The following C8orf34 variants were observed in gnomAD, a reference collection of about 807,000 sequenced individuals.
C8orf34 encodes the protein chromosome 8 open reading frame 34.
C8orf34 carries 65 observed loss-of-function variants against 68.3 expected under a neutral mutation model. That is an observed-to-expected ratio of 0.95 (90% CI 0.78 to 1.17). The LOEUF is 1.17. Ranked by LOEUF, C8orf34 falls within the 50% of genes most tolerant of loss-of-function variation. The probability of loss-of-function intolerance (pLI) is 0.00; values close to 1 mark genes in which losing one functional copy is unlikely to be tolerated. For synonymous variants in C8orf34, 244 were observed against 241.2 expected (o/e 1.01, Z -0.11); for missense variants, 664 against 655.4 (o/e 1.01, Z -0.14).
At chr8:68,391,522 T>G (rs1808477790) in intron 1 of C8orf34, among the ~76,000 whole-genome samples, 1 of 152,154 alleles carries the variant, frequency 6.6e-6, no homozygotes, top group Non-Finnish European at 1.5e-5. Context: ...CAAGATATCT[T>G]TCCTCTTCTG....
intron 3 of C8orf34, among the ~76,000 whole-genome samples, chr8:68,459,497 T>G (rs1586180034): frequency 6.6e-6 from 1 of 152,078 alleles, no homozygotes; most frequent in Admixed American, 6.6e-5. Context: ...TCCCAAAGTG[T>G]TGGGATTACA....
intron 7 of C8orf34, among the ~76,000 whole-genome samples, chr8:68,607,445 G>C (rs1269743387): frequency 1.3e-5 from 2 of 152,090 alleles, no homozygotes; most frequent in Non-Finnish European, 2.9e-5. Context: ...TCTCTCTGCA[G>C]ATGTCTGTGT....
At chr8:68,393,495 G>C (rs1383248329) in intron 1 of C8orf34, among the ~76,000 whole-genome samples, 1 of 152,142 alleles carries the variant, frequency 6.6e-6, no homozygotes, top group Non-Finnish European at 1.5e-5. Flanking sequence ...TGCAGTGACA[G>C]ATGGGGAAAC....
chr8:68,651,720 G>A (rs1819363744), intron 8 of C8orf34, among the ~76,000 whole-genome samples: 1 of 152,130 alleles, frequency 6.6e-6, no homozygotes, highest in African/African-American at 2.4e-5. Context: ...TGGACATAAG[G>A]ATGGAAACAA....
intron 12 of C8orf34, among the ~76,000 whole-genome samples, chr8:68,808,822 G>A (rs1339752869): frequency 2.6e-5 from 4 of 151,932 alleles, no homozygotes; most frequent in African/African-American, 7.3e-5. Flanking sequence ...TCTCCTACAA[G>A]GACTTCAGTC....
At chr8:68,470,906 G>C (rs1586208091) in intron 4 of C8orf34, among the ~76,000 whole-genome samples, 1 of 152,140 alleles carries the variant, frequency 6.6e-6, no homozygotes, top group East Asian at 1.9e-4. Flanking sequence ...AGTTTTGGGA[G>C]GACACCAACA....
At chr8:68,443,110 C>T (rs1242392979) in intron 2 of C8orf34, among the ~76,000 whole-genome samples, 3 of 152,084 alleles carry the variant, frequency 2.0e-5, no homozygotes, top group Non-Finnish European at 4.4e-5. Context: ...GCAAGAGCAT[C>T]CACCATCCCA....
chr8:68,426,009 A>C (rs1810197327), intron 1 of C8orf34, among the ~76,000 whole-genome samples: 1 of 152,212 alleles, frequency 6.6e-6, no homozygotes, highest in South Asian at 2.1e-4. Flanking sequence ...CGTCTTATGC[A>C]AAAATTAACT....
chr8:68,543,674 T>C (rs1447291252), intron 7 of C8orf34, among the ~76,000 whole-genome samples: 1 of 152,208 alleles, frequency 6.6e-6, no homozygotes, highest in Admixed American at 6.5e-5. Flanking sequence ...ACACTAACTA[T>C]GCAACACGTA....
rs1267476469 is a variant in C8orf34, at chr8:68,525,637, A to G, written c.938+3666A>G. On this transcript the variant is annotated intron_variant, in intron 6 of 13. Transcript: ENST00000518698. Reference sequence around the variant, plus strand: ...CGAACTGGTCAGATGGGAGCAGATTATGCTGCCATTTTTCTAGATCTTTGA... The same window carrying G: ...CGAACTGGTCAGATGGGAGCAGATTGTGCTGCCATTTTTCTAGATCTTTGA... 11 of 731,048 alleles carry G rather than the reference A, an allele frequency of 1.5e-5. No homozygotes were observed. In the African/African-American group the frequency reaches 1.7e-4, roughly 11 times the overall value. The allele number at this position is 731,048 out of a possible 1,614,324, so 45.3% of individuals were successfully genotyped here. A position where few individuals can be genotyped will look rare whatever the true frequency, so the allele number is the denominator to read the frequency against.
chr8:68,512,327 T>C lies in C8orf34; in HGVS notation c.766-9472T>C, dbSNP rs77622861. On this transcript the variant is annotated intron_variant, in intron 5 of 13. Coordinates refer to ENST00000518698, the MANE Select transcript of C8orf34 (RefSeq NM_052958.4). ...CACAAAAATATAACCTAAAGAAGAA[T>C]TGAACATCATTTTGGCAATCCCGTG... 1.3e-3 allele frequency among the ~76,000 whole-genome samples: 194 copies of C among 152,308 alleles called. 9 individuals carry two copies. In the East Asian group the frequency reaches 0.034, roughly 27 times the overall value.
intron 10 of C8orf34, among the ~76,000 whole-genome samples, chr8:68,750,254 G>A (rs962999822): frequency 1.3e-5 from 2 of 152,084 alleles, no homozygotes; most frequent in African/African-American, 4.8e-5. Flanking sequence ...TAAACTATAT[G>A]AGAGAACGTT....
At chr8:68,355,501 A>G (rs770941444) in intron 1 of C8orf34, among the ~76,000 whole-genome samples, 9 of 152,162 alleles carry the variant, frequency 5.9e-5, no homozygotes, top group African/African-American at 2.2e-4. Context: ...TGGACACCCA[A>G]TACATTTTGG....
chr8:68,517,214 C>G (rs1814557245), intron 5 of C8orf34, among the ~76,000 whole-genome samples: 1 of 151,890 alleles, frequency 6.6e-6, no homozygotes, highest in Non-Finnish European at 1.5e-5. Context: ...TCACTAAAAC[C>G]CTTTCATAAA....
intron 4 of C8orf34, among the ~76,000 whole-genome samples, chr8:68,472,650 T>C (rs1812431415): frequency 6.6e-6 from 1 of 152,118 alleles, no homozygotes; most frequent in Non-Finnish European, 1.5e-5. Flanking sequence ...CATTTTCCAG[T>C]AGAAAAGTAA....
chr8:68,385,819 C>T (rs1480485656), intron 1 of C8orf34, among the ~76,000 whole-genome samples: 2 of 152,188 alleles, frequency 1.3e-5, no homozygotes, highest in Admixed American at 6.5e-5. Flanking sequence ...AGGACTGTCC[C>T]TAGTTGTTTG....
Position 68,601,402 on chromosome 8 carries a change from GT to G in C8orf34, c.1106-38966del, listed in dbSNP as rs371035026. 3.8e-3 allele frequency among the ~76,000 whole-genome samples: 570 copies of G among 151,276 alleles called. 7 individuals are homozygous for G. Among genetic ancestry groups the G allele is most frequent in the African/African-American group, 0.013 (537 of 41,260 alleles). Reference sequence around the variant, plus strand: ...GATTGTTCTACATGTCCCTAAGACTGTTTTTTTTGTCTTATTTTTCTCTTTG... The same window carrying G: ...GATTGTTCTACATGTCCCTAAGACTGTTTTTTTGTCTTATTTTTCTCTTTG... On this transcript the variant is annotated intron_variant, in intron 7 of 13. Transcript: ENST00000518698.
At chr8:68,715,492 T>C (rs901821814) in intron 9 of C8orf34, among the ~76,000 whole-genome samples, 1 of 152,020 alleles carries the variant, frequency 6.6e-6, no homozygotes, top group African/African-American at 2.4e-5. Context: ...CAAAAGAGGA[T>C]ATATGAGTGG....
At chr8:68,588,006 A>G (rs989790883) in intron 7 of C8orf34, among the ~76,000 whole-genome samples, 3 of 152,128 alleles carry the variant, frequency 2.0e-5, no homozygotes, top group Non-Finnish European at 4.4e-5. Flanking sequence ...CATATTTTTA[A>G]AGAGACATTT....
Sources: allele counts gnomAD v4.1 joint callset (sites outside exome capture counted in the v4.1 genomes callset), GRCh38; gene constraint gnomAD v4.1.1; transcripts MANE v1.5; gene names NCBI Gene and HGNC (gene_info 2026-07-23, HGNC 2026-07-21).